Variants in EHBP1 observed in about 807,000 individuals in gnomAD.
The protein encoded by EHBP1 is EH domain-binding protein 1.
Under a neutral mutation model 144.0 loss-of-function variants are expected in EHBP1, and 55 were observed. That is an observed-to-expected ratio of 0.38 (90% CI 0.31 to 0.48). The LOEUF is 0.48. Among genes scored for constraint, EHBP1 ranks in the 20% least tolerant of loss-of-function variants. The probability of loss-of-function intolerance (pLI) is 0.98; values close to 1 mark genes in which losing one functional copy is unlikely to be tolerated. For synonymous variants in EHBP1, 469 were observed against 472.7 expected (o/e 0.99, Z 0.10); for missense variants, 1,200 against 1,364.2 (o/e 0.88, Z 1.90).
chr2:62,765,243 A>G (rs1168300908), intron 4 of EHBP1, among the ~76,000 whole-genome samples: 1 of 152,140 alleles, frequency 6.6e-6, no homozygotes, highest in East Asian at 1.9e-4. Context: ...CTTATTTTAC[A>G]TCTTTTTACT....
intron 5 of EHBP1, among the ~76,000 whole-genome samples, chr2:62,820,250 T>A (rs1015063124): frequency 1.3e-5 from 2 of 151,266 alleles, no homozygotes; most frequent in Non-Finnish European, 2.9e-5. Flanking sequence ...GAACATGATG[T>A]TGAAGATAAG....
chr2:63,045,282 C>A lies in EHBP1; in HGVS notation c.3392+102C>A. ...GAGGTCGCGGGAGGGCCGGGGCAGC[C>A]TCCCACTGGCCTGGTGCTCCCCATT... On this transcript the variant is annotated intron_variant, in intron 22 of 22. Coordinates refer to ENST00000431489, the MANE Select transcript of EHBP1 (RefSeq NM_001142616.3). The surrounding 1 kb of genome is among the most constrained non-coding windows in gnomAD (Gnocchi z 5.7). 1 of 1,370,522 alleles carries A rather than the reference C, an allele frequency of 7.3e-7. No individual in the cohort carries two copies. Among genetic ancestry groups the A allele is most frequent in the Non-Finnish European group, 1.0e-6 (1 of 983,618 alleles). The allele number at this position is 1,370,522 out of a possible 1,614,324, so 84.9% of individuals were successfully genotyped here.
intron 4 of EHBP1, among the ~76,000 whole-genome samples, chr2:62,766,068 G>A (rs1470655529): frequency 1.3e-5 from 2 of 152,092 alleles, no homozygotes; most frequent in Non-Finnish European, 2.9e-5. Flanking sequence ...TCCTACCTAT[G>A]TGAATTTACT....
intron 7 of EHBP1, among the ~76,000 whole-genome samples, chr2:62,845,515 A>T (rs1208686628): frequency 1.3e-5 from 2 of 152,134 alleles, no homozygotes; most frequent in East Asian, 3.9e-4. Flanking sequence ...AATTCTACTT[A>T]CTAGGGCTAT....
In EHBP1 at chr2:62,948,476, G is replaced by A. The variant is rs1481704771; in HGVS notation, c.1630G>A (p.Val544Ile). The change falls in exon 13 of 23, where the codon GTT becomes ATT. Residue 544 changes from valine (V) to isoleucine (I), a missense_variant. Physicochemically the swap from Val to Ile is conservative, Grantham distance 29. Around this residue, in one of 6 missense-constraint regions of EHBP1, gnomAD observed 543 missense variants for 513.1 expected, o/e 1.06. Coordinates refer to ENST00000431489, the MANE Select transcript of EHBP1 (RefSeq NM_001142616.3). ...CTATGAAACAGATACAAACAGTTCT[G>A]TTGATCAAGAAAAATTCTATGCAGA... is the stretch of plus-strand genomic sequence containing the variant. Reference protein sequence around the residue: ...GNYETDTNSSVDQEKFYAELS... With the variant: ...GNYETDTNSSIDQEKFYAELS... The A allele has an allele frequency of 6.2e-7, 1 of 1,613,374 alleles. No homozygotes were observed. Among genetic ancestry groups the A allele is most frequent in the South Asian group, 1.1e-5 (1 of 91,050 alleles).
At chr2:62,890,234 C>A (rs904997613) in intron 10 of EHBP1, among the ~76,000 whole-genome samples, 1 of 152,066 alleles carries the variant, frequency 6.6e-6, no homozygotes, top group African/African-American at 2.4e-5. Flanking sequence ...CCACGCCTAG[C>A]CCCATATGAA....
intron 3 of EHBP1, among the ~76,000 whole-genome samples, chr2:62,751,759 A>G (rs559924440): frequency 6.6e-6 from 1 of 152,154 alleles, no homozygotes; most frequent in African/African-American, 2.4e-5. Context: ...TAGATTTTCT[A>G]GTTTATTTGT....
intron 10 of EHBP1, among the ~76,000 whole-genome samples, chr2:62,928,433 A>C (rs2055706901): frequency 6.6e-6 from 1 of 152,098 alleles, no homozygotes; most frequent in Non-Finnish European, 1.5e-5. Context: ...ACTGGCCTTA[A>C]TTTTATCAAC....
chr2:62,846,110 CT>C (rs903982922), intron 7 of EHBP1, among the ~76,000 whole-genome samples: 39 of 152,180 alleles, frequency 2.6e-4, no homozygotes, highest in African/African-American at 9.2e-4. Context: ...ATAAATTCAG[CT>C]TGCTTTCTCT....
chr2:62,990,434 A>G (rs1013456694), intron 15 of EHBP1, among the ~76,000 whole-genome samples: 1 of 152,198 alleles, frequency 6.6e-6, no homozygotes, highest in African/African-American at 2.4e-5. Context: ...ATATAAATGT[A>G]TACATCACAT....
intron 2 of EHBP1, among the ~76,000 whole-genome samples, chr2:62,735,355 C>G (rs147185528): frequency 7.9e-5 from 12 of 151,992 alleles, no homozygotes; most frequent in African/African-American, 2.9e-4. Context: ...TCAAGTAACA[C>G]TGTACCTTTC....
At chr2:62,950,864 T>A in intron 13 of EHBP1, among the ~76,000 whole-genome samples, 1 of 152,126 alleles carries the variant, frequency 6.6e-6, no homozygotes, top group East Asian at 1.9e-4. Context: ...TTTGTATTTT[T>A]AGTAGAGACG....
intron 3 of EHBP1, among the ~76,000 whole-genome samples, chr2:62,751,867 T>A (rs561384994): frequency 6.6e-6 from 1 of 152,292 alleles, no homozygotes; most frequent in African/African-American, 2.4e-5. Context: ...GTTTCATTCT[T>A]CTCTCTTTTC....
chr2:62,882,990 G>A (rs1203868809), intron 10 of EHBP1, among the ~76,000 whole-genome samples: 1 of 151,760 alleles, frequency 6.6e-6, no homozygotes, highest in African/African-American at 2.4e-5. Context: ...CACACACACA[G>A]ATGCACACAC....
chr2:62,727,755 A>G (rs1011187036), intron 2 of EHBP1, among the ~76,000 whole-genome samples: 1 of 152,192 alleles, frequency 6.6e-6, no homozygotes, highest in African/African-American at 2.4e-5. Context: ...GCTGCTATGA[A>G]CATTTGTGTC....
intron 2 of EHBP1, among the ~76,000 whole-genome samples, chr2:62,736,441 C>T (rs1201348021): frequency 6.6e-6 from 1 of 152,022 alleles, no homozygotes; most frequent in Non-Finnish European, 1.5e-5. Context: ...CCAGGCTGGT[C>T]TCGAACTCCT....
At chr2:62,802,749 G>A (rs2044112062) in intron 5 of EHBP1, among the ~76,000 whole-genome samples, 1 of 125,648 alleles carries the variant, frequency 8.0e-6, no homozygotes, top group Non-Finnish European at 1.6e-5. Flanking sequence ...TTTTGAGACA[G>A]AGTCTTCCTC....
intron 15 of EHBP1, among the ~76,000 whole-genome samples, chr2:62,988,647 G>A (rs1289574467): frequency 1.3e-5 from 2 of 152,132 alleles, no homozygotes; most frequent in African/African-American, 4.8e-5. Context: ...ATATTTGCTG[G>A]TGGTTTTTAA....
intron 3 of EHBP1, among the ~76,000 whole-genome samples, chr2:62,760,250 G>A (rs1435409764): frequency 6.6e-6 from 1 of 152,160 alleles, no homozygotes; most frequent in Non-Finnish European, 1.5e-5. Context: ...AGCTGGCCCT[G>A]ACTGTACTCA....
Sources: allele counts gnomAD v4.1 joint callset (sites outside exome capture counted in the v4.1 genomes callset), GRCh38; gene constraint gnomAD v4.1.1; regional missense constraint gnomAD v4.1.1; non-coding constraint Gnocchi (gnomAD v3.1); transcripts MANE v1.5; gene names NCBI Gene and HGNC (gene_info 2026-07-23, HGNC 2026-07-21).